GAB1: variants seen among roughly 807,000 people sequenced by gnomAD.
GAB1 encodes GRB2-associated-binding protein 1.
A neutral mutation model predicts 66.5 loss-of-function variants in GAB1; 19 were observed. That is an observed-to-expected ratio of 0.29 (90% CI 0.20 to 0.42). GAB1 has a LOEUF of 0.42. Among genes scored for constraint, GAB1 ranks in the 10% least tolerant of loss-of-function variants. The pLI, the probability that GAB1 is intolerant of heterozygous loss-of-function variation, is 1.00. For missense variants in GAB1, 732 were observed against 858.5 expected (o/e 0.85, Z 1.84); for synonymous variants, 294 against 301.4 (o/e 0.98, Z 0.25).
chr4:143,434,075 G>A, intron 3 of GAB1: 4 of 1,273,678 alleles, frequency 3.1e-6, no homozygotes, highest in African/African-American at 1.5e-5. Flanking sequence ...TTTCTTATGT[G>A]ATTGTAAACC....
chr4:143,363,200 T>C (rs1000083913), intron 1 of GAB1, among the ~76,000 whole-genome samples: 2 of 152,200 alleles, frequency 1.3e-5, no homozygotes, highest in Non-Finnish European at 2.9e-5. Flanking sequence ...ACCTCCTTGA[T>C]TTAAACTAGA....
intron 2 of GAB1, 60 bp downstream of exon 2, chr4:143,415,831 T>C: frequency 8.0e-7 from 1 of 1,250,016 alleles, no homozygotes; most frequent in Non-Finnish European, 1.1e-6. Context: ...TTTCCAGAAA[T>C]GTCATACAAT....
intron 1 of GAB1, among the ~76,000 whole-genome samples, chr4:143,370,088 G>A (rs979971837): frequency 6.6e-6 from 1 of 152,192 alleles, no homozygotes; most frequent in Non-Finnish European, 1.5e-5. Context: ...GAGGCGGATG[G>A]CACACACAAG....
intron 1 of GAB1, chr4:143,350,108 C>T: frequency 1.7e-6 from 2 of 1,210,894 alleles, no homozygotes; most frequent in East Asian, 2.5e-5. Context: ...GCACCGGCGT[C>T]ATCCGCCATT....
rs1012940219 is a variant in GAB1, at chr4:143,470,006, G to A, written c.*817G>A. 4 of 152,592 alleles carry A rather than the reference G, an allele frequency of 2.6e-5. No homozygotes were observed. The highest frequency in any genetic ancestry group is 7.2e-5 in the African/African-American group (3 of 41,434). The allele number at this position is 152,592 out of a possible 1,614,324, so 9.5% of individuals were successfully genotyped here. On this transcript the variant is annotated 3_prime_UTR_variant, in exon 10 of 10. Coordinates refer to ENST00000262994, the MANE Select transcript of GAB1 (RefSeq NM_002039.4). ...AAAGGTAGATTATGTAACCAATCAG[G>A]TACGTACCAGGCAGTGATGTGCTAA... is the stretch of plus-strand genomic sequence containing the variant.
chr4:143,450,832 A>G (rs1193533773), intron 6 of GAB1, among the ~76,000 whole-genome samples: 1 of 152,036 alleles, frequency 6.6e-6, no homozygotes, highest in African/African-American at 2.4e-5. Context: ...TGGAGGTTGC[A>G]GTGAGCTGAG....
At chr4:143,437,869 T>A in intron 3 of GAB1, 130 bp from the exon 4 acceptor site, 1 of 893,950 alleles carries the variant, frequency 1.1e-6, no homozygotes. Flanking sequence ...GTGCTTTAAA[T>A]CCTATGGATC....
At chr4:143,454,115 G>A (rs1735062745) in intron 6 of GAB1, among the ~76,000 whole-genome samples, 1 of 152,178 alleles carries the variant, frequency 6.6e-6, no homozygotes, top group Non-Finnish European at 1.5e-5. Flanking sequence ...GAGAAATAGA[G>A]AACAGAATGG....
chr4:143,341,682 G>C (rs1728828606), intron 1 of GAB1, among the ~76,000 whole-genome samples: 1 of 152,178 alleles, frequency 6.6e-6, no homozygotes, highest in Non-Finnish European at 1.5e-5. Flanking sequence ...CTCTTGTCTG[G>C]ACTTCAAAAA....
intron 1 of GAB1, chr4:143,376,925 A>G (rs1002369330): frequency 3.3e-5 from 5 of 152,180 alleles, no homozygotes; most frequent in African/African-American, 1.2e-4. Context: ...GATCCCTATC[A>G]TTCTTAGTCT....
intron 1 of GAB1, among the ~76,000 whole-genome samples, chr4:143,361,386 C>A (rs1729656359): frequency 6.6e-6 from 1 of 152,128 alleles, no homozygotes; most frequent in Non-Finnish European, 1.5e-5. Context: ...GGAGATCTCA[C>A]TGTTTTGTTT....
At chr4:143,411,668 G>A (rs1319515667) in intron 1 of GAB1, among the ~76,000 whole-genome samples, 1 of 152,180 alleles carries the variant, frequency 6.6e-6, no homozygotes. Flanking sequence ...ACTGATTTAT[G>A]TGGGCCCGTT....
At chr4:143,457,780 T>A in intron 6 of GAB1, 1 of 1,394,474 alleles carries the variant, frequency 7.2e-7, no homozygotes. Context: ...GTATGTACTT[T>A]AGCACCGCAT....
chr4:143,452,736 T>G (rs1006824102), intron 6 of GAB1, among the ~76,000 whole-genome samples: 2 of 152,188 alleles, frequency 1.3e-5, no homozygotes, highest in Non-Finnish European at 2.9e-5. Context: ...AAAGCACAGA[T>G]AGAAATTTCC....
rs1560726035 is a variant in GAB1 at position 143,373,886 on chromosome 4, T to TATATATATATATATA, written c.72+36626_72+36627insATATATATATATATA. On this transcript the variant is annotated intron_variant, in intron 1 of 9. Coordinates refer to ENST00000262994, the MANE Select transcript of GAB1 (RefSeq NM_002039.4). ...ATAAATAAATATATATATATATATA[T>TATATATATATATATA]TTTTACCTTTCTAACATTGCAGGGA... 2.7e-4 allele frequency among the ~76,000 whole-genome samples: 35 copies of TATATATATATATATA among 128,220 alleles called. 1 individual carries two copies. Among genetic ancestry groups the TATATATATATATATA allele is most frequent in the Non-Finnish European group, 3.0e-4 (19 of 62,970 alleles). The allele number at this position is 128,220 out of a possible 152,430, so 84.1% of individuals were successfully genotyped here.
intron 9 of GAB1, among the ~76,000 whole-genome samples, chr4:143,466,480 C>CTTTTTTTTT (rs776557170): frequency 4.5e-5 from 3 of 67,262 alleles, no homozygotes; most frequent in Non-Finnish European, 8.4e-5. Flanking sequence ...TTAACAAATT[C>CTTTTTTTTT]TTTTTTTTTT....
chr4:143,401,137 A>T (rs989480119), intron 1 of GAB1, among the ~76,000 whole-genome samples: 3 of 152,230 alleles, frequency 2.0e-5, no homozygotes, highest in African/African-American at 7.2e-5. Context: ...ATCTTTGTAG[A>T]TAACTATAAG....
At chr4:143,459,042 A>T (rs1371696688) in intron 6 of GAB1, among the ~76,000 whole-genome samples, 6 of 152,158 alleles carry the variant, frequency 3.9e-5, no homozygotes, top group African/African-American at 1.4e-4. Context: ...AATTTATGAA[A>T]TAATGAAACA....
intron 1 of GAB1, among the ~76,000 whole-genome samples, chr4:143,375,805 T>C (rs1404285496): frequency 6.6e-6 from 1 of 152,098 alleles, no homozygotes; most frequent in African/African-American, 2.4e-5. Context: ...GCCCTGTGCA[T>C]TATAGGGTGT....
Sources: allele counts gnomAD v4.1 joint callset (sites outside exome capture counted in the v4.1 genomes callset), GRCh38; gene constraint gnomAD v4.1.1; transcripts MANE v1.5; gene names NCBI Gene and HGNC (gene_info 2026-07-23, HGNC 2026-07-21).